Variants in KRABD2 observed in about 807,000 individuals in gnomAD.
KRABD2 encodes KRAB domain-containing protein 2.
the KRABD2 span, chr17:8,376,358 A>C: frequency 3.3e-6 from 4 of 1,203,714 alleles, no homozygotes; most frequent in East Asian, 1.4e-4. Context: ...CGGGGAGATG[A>C]CCAGTACCCA....
chr17:8,369,989 C>T, the KRABD2 span: 1 of 1,614,066 alleles, frequency 6.2e-7, no homozygotes, highest in African/African-American at 1.3e-5. Flanking sequence ...TGCGTGTCCG[C>T]CCACCATGTC....
chr17:8,365,964 A>T, the KRABD2 span, among the ~76,000 whole-genome samples: 1 of 151,928 alleles, frequency 6.6e-6, no homozygotes, highest in African/African-American at 2.4e-5. Context: ...CATCTCTACT[A>T]AAAATACAAA....
At chr17:8,374,981 T>C in the KRABD2 span, among the ~76,000 whole-genome samples, 1 of 138,456 alleles carries the variant, frequency 7.2e-6, no homozygotes, top group Non-Finnish European at 1.6e-5. Context: ...GTTTCACCTA[T>C]ATTTACAGAT....
At chr17:8,369,960 C>T in the KRABD2 span, 2 of 1,614,082 alleles carry the variant, frequency 1.2e-6, no homozygotes, top group African/African-American at 1.3e-5. Context: ...CCCATATTTT[C>T]CTTGCAGCTC....
At chr17:8,376,060 C>T in the KRABD2 span, 1 of 1,231,772 alleles carries the variant, frequency 8.1e-7, no homozygotes, top group Non-Finnish European at 1.0e-6. Context: ...CTCACTGGAG[C>T]ACTTCGCTTT....
the KRABD2 span, among the ~76,000 whole-genome samples, chr17:8,363,850 T>TATATATC: frequency 3.3e-5 from 3 of 89,878 alleles, no homozygotes; most frequent in East Asian, 2.9e-4. Flanking sequence ...TATATATATA[T>TATATATC]ATATATATAT....
At chr17:8,371,802 A>G in the KRABD2 span, 1 of 1,159,192 alleles carries the variant, frequency 8.6e-7, no homozygotes, top group Middle Eastern at 3.6e-4. Flanking sequence ...CAATGGAAAT[A>G]TTATATCTGT....
chr17:8,369,037 G>A, the KRABD2 span: 3 of 1,494,328 alleles, frequency 2.0e-6, no homozygotes, highest in African/African-American at 1.4e-5. Context: ...ACCTGAGAGT[G>A]CAGCCTTCAA....
At chr17:8,370,123 C>T in the KRABD2 span, 6 of 1,613,970 alleles carry the variant, frequency 3.7e-6, no homozygotes, top group African/African-American at 4.0e-5. Flanking sequence ...ACAGAGATCA[C>T]ATCATATTTT....
the KRABD2 span, chr17:8,370,062 A>G: frequency 6.2e-7 from 1 of 1,614,122 alleles, no homozygotes. Flanking sequence ...ATAATACCGT[A>G]TTCGATCACG....
the KRABD2 span, among the ~76,000 whole-genome samples, chr17:8,374,712 G>A: frequency 1.8e-4 from 27 of 150,718 alleles, no homozygotes; most frequent in African/African-American, 6.1e-4. Context: ...TTTAGGAGGC[G>A]GAGGTGGGCG....
chr17:8,365,353 G>A, the KRABD2 span, among the ~76,000 whole-genome samples: 1 of 152,168 alleles, frequency 6.6e-6, no homozygotes, highest in Non-Finnish European at 1.5e-5. Context: ...GGTCAGCACT[G>A]GGGAGGGGAA....
chr17:8,372,661 A>AT, the KRABD2 span, among the ~76,000 whole-genome samples: 1 of 152,246 alleles, frequency 6.6e-6, no homozygotes, highest in African/African-American at 2.4e-5. The surrounding 1 kb of genome is among the most constrained non-coding windows in gnomAD (Gnocchi z 4.1). Context: ...CACCTTCCAG[A>AT]TTCCTTTCTG....
chr17:8,359,588 G>C, the KRABD2 span: 1 of 456,076 alleles, frequency 2.2e-6, no homozygotes, highest in Non-Finnish European at 4.4e-6. Context: ...GGCTAGAGAA[G>C]GGGGTAGGTA....
the KRABD2 span, among the ~76,000 whole-genome samples, chr17:8,374,664 C>T: frequency 4.1e-5 from 6 of 146,454 alleles, no homozygotes; most frequent in Admixed American, 6.8e-5. Context: ...TTGAATGATT[C>T]GGCCGGGCGT....
chr17:8,375,725 C>T, the KRABD2 span: 3 of 205,250 alleles, frequency 1.5e-5, no homozygotes, highest in African/African-American at 2.6e-5. Context: ...TTTGTAGAGA[C>T]GGGGTCTCAT....
the KRABD2 span, among the ~76,000 whole-genome samples, chr17:8,367,480 CAG>C: frequency 5.4e-5 from 8 of 148,610 alleles, no homozygotes; most frequent in Admixed American, 2.0e-4. Context: ...GCCTGGGCGA[CAG>C]AGTGAGATTC....
the KRABD2 span, chr17:8,375,920 T>A: frequency 1.8e-5 from 22 of 1,229,668 alleles, no homozygotes; most frequent in Non-Finnish European, 2.0e-5. Flanking sequence ...TCGCCTTGGC[T>A]GTTTCCGACT....
chr17:8,376,687 C>T, the KRABD2 span: 141 of 984,086 alleles, frequency 1.4e-4, no homozygotes, highest in African/African-American at 2.3e-3. Flanking sequence ...CACCCAGAGG[C>T]CCCCGAGCAG....
Sources: gnomAD v4.1 joint callset for allele counts (sites outside exome capture counted in the v4.1 genomes callset) on GRCh38, gnomAD v4.1.1 for gene constraint, Gnocchi (gnomAD v3.1) non-coding constraint, MANE v1.5 for transcripts, NCBI Gene and HGNC (gene_info 2026-07-23, HGNC 2026-07-21) for gene names.